The following TNRC6C variants were observed in gnomAD, a reference collection of about 807,000 sequenced individuals.
The protein encoded by TNRC6C is trinucleotide repeat containing adaptor 6C, also known as trinucleotide repeat-containing gene 6C protein.
TNRC6C carries 20 observed loss-of-function variants against 153.7 expected under a neutral mutation model. That is an observed-to-expected ratio of 0.13 (90% CI 0.09 to 0.19). TNRC6C has a LOEUF of 0.19. TNRC6C is among the 10% of genes least tolerant of loss of function. TNRC6C has a pLI of 1.00. For missense variants in TNRC6C, 1,987 were observed against 2,172.0 expected, an observed-to-expected ratio of 0.91 and a Z score of 1.69; for synonymous variants, 811 against 841.4, an observed-to-expected ratio of 0.96 and a Z score of 0.63.
At chr17:78,089,174 G>A (rs1037348536) in intron 13 of TNRC6C, among the ~76,000 whole-genome samples, 1 of 151,616 alleles carries the variant, frequency 6.6e-6, no homozygotes, top group East Asian at 1.9e-4. Context: ...CACCATGTTG[G>A]CCAGGCTGGT....
intron 1 of TNRC6C, among the ~76,000 whole-genome samples, chr17:77,994,466 C>G (rs1052269553): frequency 6.6e-6 from 1 of 152,172 alleles, no homozygotes; most frequent in Admixed American, 6.5e-5. Context: ...AGTTTAATGG[C>G]TCCTGAAACT....
chr17:78,085,442 G>A (rs2073263077), intron 11 of TNRC6C, among the ~76,000 whole-genome samples: 1 of 152,176 alleles, frequency 6.6e-6, no homozygotes, highest in Non-Finnish European at 1.5e-5. Context: ...TACAGATGAA[G>A]GAGGCATTTC....
intron 1 of TNRC6C, among the ~76,000 whole-genome samples, chr17:77,963,147 A>G (rs936529001): frequency 2.0e-5 from 3 of 152,242 alleles, no homozygotes; most frequent in Non-Finnish European, 4.4e-5. Context: ...TCCATTTATA[A>G]ATTTTCAGCT....
chr17:77,984,922 T>G (rs2071139968), intron 1 of TNRC6C, among the ~76,000 whole-genome samples: 1 of 152,168 alleles, frequency 6.6e-6, no homozygotes, highest in African/African-American at 2.4e-5. Flanking sequence ...AAGGAACTAT[T>G]TTTACCCCTC....
At chr17:78,054,465 C>A (rs2072606019) in intron 3 of TNRC6C, among the ~76,000 whole-genome samples, 1 of 150,706 alleles carries the variant, frequency 6.6e-6, no homozygotes, top group African/African-American at 2.4e-5. Flanking sequence ...TATACTACTG[C>A]AGACTACTGC....
exon 2 of TNRC6C, chr17:78,031,722 C>G (rs2072078276): frequency 6.5e-6 from 8 of 1,232,278 alleles, no homozygotes; most frequent in Non-Finnish European, 8.1e-6. Flanking sequence ...GAGAGGCCAG[C>G]CATTGCCTAC....
intron 1 of TNRC6C, among the ~76,000 whole-genome samples, chr17:77,996,695 G>C (rs559647475): frequency 1.1e-3 from 164 of 152,178 alleles, no homozygotes; most frequent in African/African-American, 3.8e-3. Context: ...TCATTTTTTG[G>C]CTCTCTCTGG....
rs186470334 is a variant in TNRC6C at position 77,959,808 on chromosome 17, A to G, written c.-38+540A>G. 5.3e-5 allele frequency among the ~76,000 whole-genome samples: 8 copies of G among 152,308 alleles called. No homozygotes were observed. The South Asian group carries it at 8.3e-4, about 16-fold the overall frequency. ...TGCGTATGAGGAAAACGAGCCGTAC[A>G]ACATCTGTCCTGTTATCAGATAACG... On this transcript the variant is annotated intron_variant, in intron 1 of 22. Coordinates refer to the TNRC6C transcript ENST00000636222.
intron 15 of TNRC6C, 67 bp downstream of exon 17, chr17:78,093,191 G>C: frequency 6.6e-7 from 1 of 1,517,260 alleles, no homozygotes; most frequent in African/African-American, 1.4e-5. Context: ...TGCAGAGAGT[G>C]ATTAGGCTGA....
intron 4 of TNRC6C, among the ~76,000 whole-genome samples, chr17:78,067,385 A>G (rs2072903153): frequency 6.6e-6 from 1 of 152,180 alleles, no homozygotes; most frequent in African/African-American, 2.4e-5. Context: ...CACACAGGAC[A>G]ATGAAATGTT....
chr17:78,103,182 C>G (rs1265073898), intron 18 of TNRC6C, among the ~76,000 whole-genome samples: 5 of 152,188 alleles, frequency 3.3e-5, no homozygotes, highest in African/African-American at 1.2e-4. Flanking sequence ...TTTTCTCCTT[C>G]CTCTGATTAG....
intron 1 of TNRC6C, among the ~76,000 whole-genome samples, chr17:77,975,538 G>A (rs1233257175): frequency 6.6e-6 from 1 of 152,182 alleles, no homozygotes. Flanking sequence ...ACACATAGCA[G>A]TTTTAAAAAT....
intron 1 of TNRC6C, among the ~76,000 whole-genome samples, chr17:77,987,449 T>C (rs2071185353): frequency 6.6e-6 from 1 of 152,202 alleles, no homozygotes. Context: ...ATTATACCCT[T>C]TTGTTTTAGG....
upstream of TNRC6C, chr17:77,959,213 GGCCCGCGCCACCGGA>G (rs1445476249): frequency 6.8e-6 from 1 of 146,962 alleles, no homozygotes; most frequent in Non-Finnish European, 1.5e-5. Flanking sequence ...GCCGCCGCCA[GGCCCGCGCCACCGGA>G]GCCCCGCGGA....
chr17:78,087,026 C>A (rs765326567), exon 13 of TNRC6C: 18 of 1,613,868 alleles, frequency 1.1e-5, no homozygotes, highest in Non-Finnish European at 1.4e-5. Flanking sequence ...CACAGACTCC[C>A]GGCCTACCTG....
intron 1 of TNRC6C, among the ~76,000 whole-genome samples, chr17:77,982,107 A>G (rs1005139656): frequency 6.6e-6 from 1 of 152,216 alleles, no homozygotes; most frequent in African/African-American, 2.4e-5. Context: ...GAAGAATGCC[A>G]TCTGCAAGCC....
chr17:77,997,916 C>T (rs570348842), intron 1 of TNRC6C, among the ~76,000 whole-genome samples: 8 of 152,048 alleles, frequency 5.3e-5, no homozygotes, highest in Non-Finnish European at 8.8e-5. Context: ...GGCCTCCCAA[C>T]GTGCTGGGAT....
rs2071502905 is a variant in TNRC6C, at chr17:78,006,499, TTCTTC to T, written c.-546+1422_-546+1426del. Reference sequence around the variant, plus strand: ...TTCTTCTTCTTCTTCTTCTTTCTTCTTCTTCTTCTTCTTCTTCTTCTTCTTCTTCT... The same window carrying T: ...TTCTTCTTCTTCTTCTTCTTTCTTCTTTCTTCTTCTTCTTCTTCTTCTTCT... On this transcript the variant is annotated intron_variant, in intron 1 of 19. Coordinates refer to ENST00000301624, the Ensembl canonical transcript of TNRC6C. Among the ~76,000 whole-genome samples, 5 of 12,952 alleles carry T rather than the reference TTCTTC, an allele frequency of 3.9e-4. No individual in the cohort carries two copies. In the East Asian group the frequency reaches 4.2e-3, roughly 11 times the overall value. The allele number at this position is 12,952 out of a possible 152,430, so 8.5% of individuals were successfully genotyped here. A position where few individuals can be genotyped will look rare whatever the true frequency, so the allele number is the denominator to read the frequency against.
intron 1 of TNRC6C, among the ~76,000 whole-genome samples, chr17:78,027,991 G>T (rs958860288): frequency 6.6e-6 from 1 of 151,724 alleles, no homozygotes; most frequent in East Asian, 1.9e-4. Flanking sequence ...CACCTCCCGG[G>T]TTCACGCCAT....
Sources: allele counts gnomAD v4.1 joint callset (sites outside exome capture counted in the v4.1 genomes callset), GRCh38; gene constraint gnomAD v4.1.1; transcripts MANE v1.5; gene names NCBI Gene and HGNC (gene_info 2026-07-23, HGNC 2026-07-21).